SPRED1: variants seen among roughly 807,000 people sequenced by gnomAD.
SPRED1 encodes the protein sprouty related EVH1 domain containing 1.
A neutral mutation model predicts 52.3 loss-of-function variants in SPRED1; 18 were observed. That is an observed-to-expected ratio of 0.34 (90% confidence interval 0.24 to 0.51). The LOEUF is 0.51. SPRED1 is among the 20% of genes least tolerant of loss of function. SPRED1 has a pLI of 0.97. For synonymous variants in SPRED1, 155 were observed against 179.7 expected, an observed-to-expected ratio of 0.86 and a Z score of 1.10; for missense variants, 485 against 551.0, an observed-to-expected ratio of 0.88 and a Z score of 1.20.
At chr15:38,272,276 G>GTTGTTTTTT (rs1894451342) in intron 1 of SPRED1, among the ~76,000 whole-genome samples, 1 of 131,426 alleles carries the variant, frequency 7.6e-6, no homozygotes, top group Non-Finnish European at 1.6e-5. Context: ...CGAATGCTAG[G>GTTGTTTTTT]TTTTTTTTTT....
chr15:38,257,495 C>T (rs762073353), intron 1 of SPRED1, among the ~76,000 whole-genome samples: 11 of 151,922 alleles, frequency 7.2e-5, no homozygotes, highest in Non-Finnish European at 1.6e-4. Context: ...AAATTGGCCT[C>T]ATTTTTGACA....
rs1160876585 is a variant in SPRED1, at chr15:38,351,181, A to G, written c.852A>G (p.Lys284=). Reference sequence around the variant, plus strand: ...CTGATTCCAGTATTCAGTTTTCTAAACCAGACAGTAAAAAATCAGACTATC... The same window carrying G: ...CTGATTCCAGTATTCAGTTTTCTAAGCCAGACAGTAAAAAATCAGACTATC... ...DDADSSIQFS[K]PDSKKSDYLY... is the part of the protein sequence containing the mutation. The change falls in exon 7 of 7, where the codon AAA becomes AAG. Residue 284 remains lysine (K), a synonymous_variant. Coordinates refer to ENST00000299084, the MANE Select transcript of SPRED1 (RefSeq NM_152594.3). 1.2e-6 allele frequency: 2 copies of G among 1,614,136 alleles called. No homozygotes were observed. Among genetic ancestry groups the G allele is most frequent in the African/African-American group, 2.7e-5 (2 of 75,062 alleles).
intron 3 of SPRED1, among the ~76,000 whole-genome samples, chr15:38,324,108 A>G (rs1335265293): frequency 6.6e-6 from 1 of 152,146 alleles, no homozygotes; most frequent in Admixed American, 6.6e-5. Flanking sequence ...GCTCTTTCCA[A>G]AGGGCGCATT....
Position 38,353,207 on chromosome 15 carries a change from T to C in SPRED1, c.*1543T>C, listed in dbSNP as rs951342601. ...AATCACACTACTATTTGAAGCTCAT[T>C]TTCTATGCAGGTTTTTAAACGTCAT... On this transcript the variant is annotated 3_prime_UTR_variant, in exon 7 of 7. Transcript: ENST00000299084. 1 of 152,536 alleles carries C rather than the reference T, an allele frequency of 6.6e-6. No homozygotes were observed. The allele number at this position is 152,536 out of a possible 1,614,324, so 9.4% of individuals were successfully genotyped here. A position where few individuals can be genotyped will look rare whatever the true frequency, so the allele number is the denominator to read the frequency against.
rs764135694 is a variant in SPRED1 at position 38,339,873 on chromosome 15, A to G, written c.560A>G (p.Tyr187Cys). The G allele has an allele frequency of 1.1e-5, 18 of 1,613,844 alleles. No individual in the cohort carries two copies. The highest frequency in any genetic ancestry group is 1.3e-5 in the Non-Finnish European group (15 of 1,179,926). ...PFEDLNARRV[Y>C]MQSQANQITF... ...GAAGATCTGAATGCCAGAAGAGTCT[A>G]CATGCAAAGCCAAGCCAATCAGGTA... The change falls in exon 5 of 7, where the codon TAC (tyrosine) becomes TGC (cysteine). Residue 187 changes from tyrosine (Y) to cysteine (C), a missense_variant. Physicochemically the swap from Tyr to Cys is radical, Grantham distance 194. Around this residue, in one of 5 missense-constraint regions of SPRED1, gnomAD observed 232 missense variants for 231.8 expected, o/e 1.00. Coordinates refer to ENST00000299084, the MANE Select transcript of SPRED1 (RefSeq NM_152594.3).
intron 1 of SPRED1, among the ~76,000 whole-genome samples, chr15:38,253,802 G>C (rs973870840): frequency 6.6e-6 from 1 of 152,156 alleles, no homozygotes; most frequent in South Asian, 2.1e-4. Flanking sequence ...AGGACACCTG[G>C]AGTGTGGGCG....
At chr15:38,256,795 G>A (rs565655126) in intron 1 of SPRED1, among the ~76,000 whole-genome samples, 4 of 149,454 alleles carry the variant, frequency 2.7e-5, no homozygotes, top group South Asian at 4.2e-4. Context: ...TACATTTTAC[G>A]TATGTATATG....
rs755730953 is a variant in SPRED1 at position 38,299,558 on chromosome 15, A to T, written c.207+11A>T. On this transcript the variant is annotated intron_variant, in intron 2 of 6. Transcript: ENST00000299084. ...CTCAGGGACAAAATGGTAATGAATA[A>T]TGTATCTAATACTATAATTTTAGAT... is the stretch of plus-strand genomic sequence containing the variant. 33 of 1,610,366 alleles carry T rather than the reference A, an allele frequency of 2.0e-5. No individual in the cohort carries two copies. The highest frequency in any genetic ancestry group is 8.3e-5 in the Admixed American group (5 of 59,956).
intron 1 of SPRED1, among the ~76,000 whole-genome samples, chr15:38,295,408 C>G (rs1004780450): frequency 8.5e-5 from 13 of 152,128 alleles, no homozygotes; most frequent in African/African-American, 3.1e-4. Context: ...AAAAGTGTAG[C>G]CAGTTTTAGC....
chr15:38,268,073 T>A (rs1452890598), intron 1 of SPRED1: 1 of 152,148 alleles, frequency 6.6e-6, no homozygotes, highest in African/African-American at 2.4e-5. Context: ...TATATACTTA[T>A]AAAAGATTAA....
intron 2 of SPRED1, among the ~76,000 whole-genome samples, chr15:38,317,685 C>T (rs1001851690): frequency 2.0e-5 from 3 of 151,802 alleles, no homozygotes; most frequent in Non-Finnish European, 2.9e-5. Context: ...CAGCAGAATT[C>T]AGTAATTTTA....
intron 1 of SPRED1, among the ~76,000 whole-genome samples, chr15:38,255,087 A>C (rs1894065714): frequency 6.6e-6 from 1 of 152,208 alleles, no homozygotes; most frequent in Non-Finnish European, 1.5e-5. Flanking sequence ...CAAGTAAAAT[A>C]TATTTTTTCT....
At chr15:38,320,827 T>G (rs1204657263) in intron 2 of SPRED1, among the ~76,000 whole-genome samples, 1 of 152,220 alleles carries the variant, frequency 6.6e-6, no homozygotes, top group African/African-American at 2.4e-5. Flanking sequence ...ATATCCACTT[T>G]TGTTTTATTT....
intron 2 of SPRED1, among the ~76,000 whole-genome samples, chr15:38,314,614 G>A (rs1356888811): frequency 6.6e-6 from 1 of 151,826 alleles, no homozygotes. Context: ...TAGGATCTAG[G>A]TAGAAGTGTG....
At chr15:38,318,581 C>A (rs1437427082) in intron 2 of SPRED1, among the ~76,000 whole-genome samples, 1 of 152,066 alleles carries the variant, frequency 6.6e-6, no homozygotes, top group African/African-American at 2.4e-5. Context: ...CTCTTACCTC[C>A]CTCCTTCTCT....
intron 1 of SPRED1, among the ~76,000 whole-genome samples, chr15:38,281,334 A>G (rs566553818): frequency 1.4e-4 from 22 of 152,266 alleles, no homozygotes; most frequent in Non-Finnish European, 2.5e-4. Flanking sequence ...AGGAGTAAGT[A>G]TTGTGTAGTG....
At chr15:38,332,372 A>G (rs1001164319) in intron 4 of SPRED1, among the ~76,000 whole-genome samples, 1 of 152,118 alleles carries the variant, frequency 6.6e-6, no homozygotes. Flanking sequence ...CTAGGAGTTC[A>G]AAACCAGCCT....
chr15:38,339,732 A>G lies in SPRED1; in HGVS notation c.424-5A>G, dbSNP rs752656697. The G allele has an allele frequency of 5.6e-6, 9 of 1,613,548 alleles. No homozygotes were observed. The African/African-American group carries it at 1.2e-4, about 22-fold the overall frequency. On this transcript the variant is annotated splice_polypyrimidine_tract_variant and splice_region_variant and intron_variant, in intron 4 of 6. Transcript: ENST00000299084. ...AACTAATGCATTGAGGGTTGTTCCC[A>G]ATAGGCAAATGAAGAGGATTCTTCC...
chr15:38,283,849 G>C (rs1595724559), intron 1 of SPRED1, among the ~76,000 whole-genome samples: 1 of 152,128 alleles, frequency 6.6e-6, no homozygotes, highest in East Asian at 1.9e-4. Context: ...ATTCAAAATA[G>C]ATTAGGTAGA....
Sources: allele counts gnomAD v4.1 joint callset (sites outside exome capture counted in the v4.1 genomes callset), GRCh38; gene constraint gnomAD v4.1.1; regional missense constraint gnomAD v4.1.1; transcripts MANE v1.5; gene names NCBI Gene and HGNC (gene_info 2026-07-23, HGNC 2026-07-21).